The following TXNDC12 variants were observed in gnomAD, a reference collection of about 807,000 sequenced individuals.
TXNDC12 encodes the protein thioredoxin domain containing 12, also known as thioredoxin domain-containing protein 12.
Under a neutral mutation model 24.2 loss-of-function variants are expected in TXNDC12, and 22 were observed. That is an observed-to-expected ratio of 0.91 (90% CI 0.65 to 1.30). The LOEUF (loss-of-function observed/expected upper bound fraction) is 1.30, where lower values mean the gene tolerates loss of function less well. Ranked by LOEUF, TXNDC12 falls within the 50% of genes most tolerant of loss-of-function variation. The probability of loss-of-function intolerance (pLI) is 0.00; values close to 1 mark genes in which losing one functional copy is unlikely to be tolerated. For synonymous variants in TXNDC12, 58 were observed against 73.4 expected (o/e 0.79, Z 1.07); for missense variants, 184 against 205.8 (o/e 0.89, Z 0.65).
chr1:52,041,196 G>A (rs564305442), intron 2 of TXNDC12, among the ~76,000 whole-genome samples: 79 of 152,250 alleles, frequency 5.2e-4, no homozygotes, highest in African/African-American at 1.8e-3. Context: ...AGCCAGGCGT[G>A]GTGGCGGGTG....
upstream of TXNDC12, chr1:52,055,197 T>C: frequency 1.3e-6 from 1 of 756,478 alleles, no homozygotes; most frequent in Non-Finnish European, 2.3e-6. Context: ...ACAACACCTC[T>C]ACTTCCCAGA....
chr1:52,041,054 C>T (rs1249988668), intron 2 of TXNDC12, among the ~76,000 whole-genome samples: 7 of 145,336 alleles, frequency 4.8e-5, no homozygotes, highest in African/African-American at 5.1e-5. Flanking sequence ...AAAAAAAGGC[C>T]GGGCGCGGTG....
chr1:52,049,424 T>C (rs1288587825), intron 1 of TXNDC12, among the ~76,000 whole-genome samples: 1 of 152,118 alleles, frequency 6.6e-6, no homozygotes, highest in Non-Finnish European at 1.5e-5. Flanking sequence ...ACCCCGTCTC[T>C]ACTCTACAAA....
intron 6 of TXNDC12, among the ~76,000 whole-genome samples, chr1:52,021,712 G>A (rs374206822): frequency 6.6e-6 from 1 of 152,130 alleles, no homozygotes; most frequent in Admixed American, 6.6e-5. Context: ...CTGAATGGTG[G>A]TTCTACAAAG....
intron 1 of TXNDC12, among the ~76,000 whole-genome samples, chr1:52,048,398 C>A (rs113676395): frequency 6.6e-6 from 1 of 150,382 alleles, no homozygotes; most frequent in African/African-American, 2.5e-5. Flanking sequence ...GCCAGGAGTT[C>A]GAGGATACAG....
intron 2 of TXNDC12, chr1:52,033,008 G>A (rs768731017): frequency 1.3e-6 from 2 of 1,560,822 alleles, no homozygotes; most frequent in Non-Finnish European, 1.7e-6. Flanking sequence ...GGTGGGGCCC[G>A]GTTCTCAAAC....
At position 52,032,956 on chromosome 1, in the gene TXNDC12, C is replaced by T. The variant is rs762348795; in HGVS notation, c.159-4326G>A. 1.0e-5 allele frequency: 16 copies of T among 1,588,396 alleles called. No homozygotes were observed. The highest frequency in any genetic ancestry group is 1.4e-5 in the Non-Finnish European group (16 of 1,168,086). On this transcript the variant is annotated intron_variant, in intron 2 of 6. Transcript: ENST00000371626. ...GACCTGGTCCAACTGGTGCAGAAAG[C>T]TGCCGGAGGCGAGGGGCTGGGACTG... is the stretch of plus-strand genomic sequence containing the variant.
chr1:52,022,301 A>C (rs1190525977), intron 6 of TXNDC12, among the ~76,000 whole-genome samples: 1 of 152,144 alleles, frequency 6.6e-6, no homozygotes, highest in Non-Finnish European at 1.5e-5. Context: ...GCAACAATAC[A>C]TGGCATGAAT....
At chr1:52,043,295 T>C (rs1041064874) in intron 1 of TXNDC12, among the ~76,000 whole-genome samples, 9 of 152,250 alleles carry the variant, frequency 5.9e-5, no homozygotes, top group Admixed American at 5.2e-4. Context: ...CTCTGGACCA[T>C]ATCTTTCTTA....
intron 6 of TXNDC12, among the ~76,000 whole-genome samples, chr1:52,022,430 C>T (rs1045996296): frequency 1.3e-5 from 2 of 152,146 alleles, no homozygotes; most frequent in South Asian, 2.1e-4. Flanking sequence ...TCTCCTGGAA[C>T]ATGCTTTTCC....
intron 2 of TXNDC12, among the ~76,000 whole-genome samples, chr1:52,036,400 A>T (rs1193763513): frequency 6.6e-6 from 1 of 152,164 alleles, no homozygotes; most frequent in Non-Finnish European, 1.5e-5. Context: ...GTGGAAATGG[A>T]TACTCATAAA....
At chr1:52,052,824 A>G (rs1686241853) in intron 1 of TXNDC12, 1 of 152,258 alleles carries the variant, frequency 6.6e-6, no homozygotes, top group Non-Finnish European at 1.5e-5. Flanking sequence ...TAACTTGAAC[A>G]GAGCAAATTA....
intron 2 of TXNDC12, chr1:52,033,583 C>T: frequency 3.1e-6 from 5 of 1,613,570 alleles, no homozygotes; most frequent in Non-Finnish European, 4.2e-6. Flanking sequence ...TCGCAGAGCT[C>T]CACGCAATGC....
intron 4 of TXNDC12, among the ~76,000 whole-genome samples, chr1:52,026,030 C>T (rs950187927): frequency 4.6e-5 from 7 of 151,902 alleles, no homozygotes; most frequent in Non-Finnish European, 8.8e-5. Flanking sequence ...AGGGTTTCAC[C>T]ATATTGGCCA....
Position 52,041,557 on chromosome 1 carries a change from C to T in TXNDC12, c.138G>A (p.Gly46=). The T allele has an allele frequency of 6.2e-7, 1 of 1,612,572 alleles. No individual in the cohort carries two copies. ...DHIHWRTLED[G]KKEAAASGLP... is the part of the protein sequence containing the mutation. ...TGTACCTGGCAGCTGCTTCTTTCTT[C>T]CCATCTTCCAGTGTCCTCCAATGAA... The change falls in exon 2 of 7, where the codon GGG becomes GGA. Residue 46 remains glycine, a synonymous_variant. Transcript: ENST00000371626.
At chr1:52,049,049 T>C (rs1257431090) in intron 1 of TXNDC12, among the ~76,000 whole-genome samples, 2 of 152,050 alleles carry the variant, frequency 1.3e-5, no homozygotes, top group African/African-American at 4.8e-5. Context: ...TACAGAACAA[T>C]TGAAATGTAG....
chr1:52,035,479 G>C (rs1685863417), intron 2 of TXNDC12, among the ~76,000 whole-genome samples: 1 of 152,076 alleles, frequency 6.6e-6, no homozygotes, highest in Admixed American at 6.6e-5. Flanking sequence ...GGAGGCAGAG[G>C]GTAGATCACC....
At chr1:52,033,023 C>A (rs772633658) in intron 2 of TXNDC12, 9 of 1,571,740 alleles carry the variant, frequency 5.7e-6, no homozygotes, top group African/African-American at 1.4e-5. Context: ...TCAAACAGGG[C>A]AGAGCGGATC....
chr1:52,024,361 G>C, intron 5 of TXNDC12, 149 bp downstream of exon 5: 1 of 622,600 alleles, frequency 1.6e-6, no homozygotes, highest in East Asian at 2.8e-5. Flanking sequence ...TGTAGTTCTA[G>C]CATTCAGAAC....
Sources: allele counts gnomAD v4.1 joint callset (sites outside exome capture counted in the v4.1 genomes callset), GRCh38; gene constraint gnomAD v4.1.1; transcripts MANE v1.5; gene names NCBI Gene and HGNC (gene_info 2026-07-23, HGNC 2026-07-21).